The following TESMIN variants were observed in gnomAD, a reference collection of about 807,000 sequenced individuals.
TESMIN encodes testis expressed metallothionein like protein.
A neutral mutation model predicts 47.4 loss-of-function variants in TESMIN; 34 were observed. The ratio of observed to expected loss-of-function variants is 0.72; its 90% confidence interval spans 0.55 to 0.96. The LOEUF (loss-of-function observed/expected upper bound fraction) is 0.96. TESMIN is among the 40% of genes least tolerant of loss of function. TESMIN has a pLI of 0.00. For missense variants in TESMIN, 610 were observed against 637.2 expected (o/e 0.96, Z 0.46); for synonymous variants, 278 against 258.9 (o/e 1.07, Z -0.71).
chr11:68,720,950 T>C (rs1946196824), intron 6 of TESMIN, among the ~76,000 whole-genome samples: 1 of 152,240 alleles, frequency 6.6e-6, no homozygotes, highest in African/African-American at 2.4e-5. Context: ...GAAATAAGTA[T>C]ATGTTGTTTG....
intron 6 of TESMIN, among the ~76,000 whole-genome samples, chr11:68,734,641 T>C (rs1047479419): frequency 1.1e-4 from 16 of 152,228 alleles, no homozygotes; most frequent in Admixed American, 3.9e-4. Flanking sequence ...AGGCCTCATC[T>C]CTGCAACGCA....
chr11:68,721,761 C>T (rs750666060), intron 6 of TESMIN, among the ~76,000 whole-genome samples: 5 of 152,352 alleles, frequency 3.3e-5, no homozygotes, highest in Admixed American at 6.5e-5. Context: ...TAATTAACCT[C>T]GCTTTCAACT....
At chr11:68,745,279 C>T (rs948402533) in intron 3 of TESMIN, among the ~76,000 whole-genome samples, 168 bp from the exon 4 acceptor site, 31 of 147,522 alleles carry the variant, frequency 2.1e-4, no homozygotes, top group African/African-American at 7.8e-4. Context: ...CACTAACATG[C>T]TCTTTGGAGA....
chr11:68,708,629 T>C, intron 9 of TESMIN, 129 bp from the exon 10 acceptor site: 3 of 891,102 alleles, frequency 3.4e-6, no homozygotes, highest in Non-Finnish European at 4.9e-6. Context: ...AATCTAACGT[T>C]GTCTTCCTCA....
At chr11:68,743,927 T>G (rs1482066018) in intron 4 of TESMIN, among the ~76,000 whole-genome samples, 1 of 152,022 alleles carries the variant, frequency 6.6e-6, no homozygotes, top group African/African-American at 2.4e-5. Context: ...CTATATAAAC[T>G]CTCTCCTCCT....
chr11:68,751,010 G>A (rs1308244850), intron 1 of TESMIN, among the ~76,000 whole-genome samples: 2 of 109,684 alleles, frequency 1.8e-5, no homozygotes, highest in African/African-American at 3.5e-5. Flanking sequence ...GCGACCAGGG[G>A]AGGGGCGGCC....
chr11:68,708,491 G>A lies in TESMIN; in HGVS notation c.1344C>T (p.Ser448=), dbSNP rs1282839591. The part of the protein sequence containing the change: ...LPRFSHDRRP[S]SCISWEVVEA... Reference sequence around the variant, plus strand: ...CCACCACCTCCCAGGAGATGCATGAGGAAGGCCGCCTGTCAGAAACAGAGC... The same window carrying A: ...CCACCACCTCCCAGGAGATGCATGAAGAAGGCCGCCTGTCAGAAACAGAGC... The change falls in exon 10 of 10, where the codon TCC becomes TCT. Residue 448 remains serine, a synonymous_variant. Coordinates refer to ENST00000255087, the MANE Select transcript of TESMIN (RefSeq NM_004923.3). 6.2e-7 allele frequency: 1 copy of A among 1,607,466 alleles called. No homozygotes were observed. Among genetic ancestry groups the A allele is most frequent in the Admixed American group, 1.7e-5 (1 of 58,808 alleles).
intron 2 of TESMIN, among the ~76,000 whole-genome samples, chr11:68,749,534 G>A (rs983968673): frequency 1.2e-4 from 19 of 152,270 alleles, no homozygotes; most frequent in Non-Finnish European, 2.5e-4. Context: ...CATTAGTTTT[G>A]GCAAGAACAA....
intron 8 of TESMIN, 107 bp downstream of exon 8, chr11:68,713,162 TA>T (rs1946092864): frequency 8.7e-7 from 1 of 1,152,730 alleles, no homozygotes; most frequent in African/African-American, 1.6e-5. Context: ...AAGAAAAAAA[TA>T]ATTATATTTA....
intron 8 of TESMIN, 54 bp downstream of exon 8, chr11:68,713,216 C>A: frequency 6.6e-7 from 1 of 1,518,394 alleles, no homozygotes; most frequent in Non-Finnish European, 8.9e-7. Flanking sequence ...ACAAAAGTTA[C>A]TCAACATATT....
chr11:68,733,332 C>T (rs1258614189), intron 6 of TESMIN, among the ~76,000 whole-genome samples: 1 of 152,214 alleles, frequency 6.6e-6, no homozygotes, highest in Non-Finnish European at 1.5e-5. Flanking sequence ...TAACGCTCAA[C>T]AATGACATCG....
At chr11:68,717,188 T>A (rs897513448) in intron 6 of TESMIN, among the ~76,000 whole-genome samples, 3 of 152,266 alleles carry the variant, frequency 2.0e-5, no homozygotes, top group African/African-American at 7.2e-5. Context: ...AATAATATTT[T>A]AATGTCAAGT....
chr11:68,748,414 C>G (rs1376746257), intron 2 of TESMIN, among the ~76,000 whole-genome samples: 1 of 152,202 alleles, frequency 6.6e-6, no homozygotes, highest in African/African-American at 2.4e-5. Flanking sequence ...TTTTCTTCTA[C>G]TTGCTGCTTT....
intron 6 of TESMIN, among the ~76,000 whole-genome samples, chr11:68,734,273 T>C (rs981549696): frequency 6.6e-6 from 1 of 152,190 alleles, no homozygotes; most frequent in Non-Finnish European, 1.5e-5. Context: ...TAACTGCATT[T>C]GGCGATTAGC....
intron 6 of TESMIN, among the ~76,000 whole-genome samples, chr11:68,732,243 G>T (rs1240789000): frequency 6.6e-6 from 1 of 152,216 alleles, no homozygotes; most frequent in Non-Finnish European, 1.5e-5. Flanking sequence ...GTGCCCTCGT[G>T]ATGGTACATT....
chr11:68,730,754 C>T (rs1431001213), intron 6 of TESMIN, among the ~76,000 whole-genome samples: 7 of 150,438 alleles, frequency 4.7e-5, no homozygotes, highest in Non-Finnish European at 1.0e-4. Flanking sequence ...GAGATCACAC[C>T]ATTGCACTCC....
chr11:68,712,796 A>G (rs1946088808), intron 8 of TESMIN, among the ~76,000 whole-genome samples: 1 of 152,222 alleles, frequency 6.6e-6, no homozygotes, highest in South Asian at 2.1e-4. Flanking sequence ...ACCCTTGGTC[A>G]AAGCACCAGG....
intron 2 of TESMIN, among the ~76,000 whole-genome samples, chr11:68,749,974 C>T (rs1469474432): frequency 1.3e-5 from 2 of 152,178 alleles, no homozygotes; most frequent in Non-Finnish European, 2.9e-5. Flanking sequence ...GCAGAATTCC[C>T]TCCAGGGGAA....
chr11:68,711,242 T>C (rs577637189), intron 8 of TESMIN, among the ~76,000 whole-genome samples, 193 bp from the exon 9 acceptor site: 1 of 150,840 alleles, frequency 6.6e-6, no homozygotes, highest in Non-Finnish European at 1.5e-5. Context: ...TATGAGTGTG[T>C]GTGGGGTGTG....
Sources: allele counts gnomAD v4.1 joint callset (sites outside exome capture counted in the v4.1 genomes callset), GRCh38; gene constraint gnomAD v4.1.1; transcripts MANE v1.5; gene names NCBI Gene and HGNC (gene_info 2026-07-23, HGNC 2026-07-21).